The following AIPL1 variants were observed in gnomAD, a reference collection of about 807,000 sequenced individuals.
The protein encoded by AIPL1 is AIP like 1 HSP90 co-chaperone.
AIPL1 carries 23 observed loss-of-function variants against 32.9 expected under a neutral mutation model. The observed-to-expected ratio is 0.70, with a 90% CI of 0.50 to 0.99. The LOEUF (loss-of-function observed/expected upper bound fraction) is 0.99. Among genes scored for constraint, AIPL1 ranks in the 50% least tolerant of loss-of-function variants. The pLI is 0.00. For missense variants in AIPL1, 485 were observed against 506.0 expected (o/e 0.96, Z 0.40); for synonymous variants, 210 against 209.4 (o/e 1.00, Z -0.02).
chr17:6,428,371 C>A lies in AIPL1; in HGVS notation c.412G>T (p.Asp138Tyr). The A allele has an allele frequency of 6.2e-7, 1 of 1,612,404 alleles. No homozygotes were observed. The highest frequency in any genetic ancestry group is 8.5e-7 in the Non-Finnish European group (1 of 1,180,044). Residue 138 changes from aspartate (D) to tyrosine (Y), a missense_variant, in exon 3 of 6, where the codon GAC (aspartate) becomes TAC (tyrosine). Transcript: ENST00000381129. ...GGCTGAGGCTCCTTCTGCAGCTCGT[C>A]CAGGTCCTCGTAGCCCAGCGTGTGG... Reference protein sequence around the residue: ...AYHTLGYEDLDELQKEPQPLV... With the variant: ...AYHTLGYEDLYELQKEPQPLV...
In AIPL1 at chr17:6,427,061, G is replaced by A. The variant is rs753511223; in HGVS notation, c.466-4C>T. 2 of 1,613,950 alleles carry A rather than the reference G, an allele frequency of 1.2e-6. No individual in the cohort carries two copies. The highest frequency in any genetic ancestry group is 8.5e-7 in the Non-Finnish European group (1 of 1,180,012). Reference sequence around the variant, plus strand: ...GGTAATCACTCGGGGCATCAACCTGGCCCCAGAGCTGCAGGTCAGTGAGGC... The same window carrying A: ...GGTAATCACTCGGGGCATCAACCTGACCCCAGAGCTGCAGGTCAGTGAGGC... On this transcript the variant is annotated splice_polypyrimidine_tract_variant and splice_region_variant and intron_variant, in intron 3 of 5. Transcript: ENST00000381129.
chr17:6,431,804 C>A (rs1912629264), intron 2 of AIPL1, among the ~76,000 whole-genome samples: 1 of 152,218 alleles, frequency 6.6e-6, no homozygotes, highest in Non-Finnish European at 1.5e-5. Flanking sequence ...ACCCACCAAT[C>A]ACTCTTAACA....
chr17:6,432,068 C>T (rs1035158268), intron 2 of AIPL1, among the ~76,000 whole-genome samples: 1 of 152,182 alleles, frequency 6.6e-6, no homozygotes, highest in Non-Finnish European at 1.5e-5. Flanking sequence ...TCCTTCAACA[C>T]TTCCATGTCA....
chr17:6,427,811 T>C (rs945772158), intron 3 of AIPL1, among the ~76,000 whole-genome samples: 10 of 27,738 alleles, frequency 3.6e-4, no homozygotes, highest in African/African-American at 6.0e-4. Flanking sequence ...CCAAGTGGAC[T>C]TTTTTTTTTT....
intron 2 of AIPL1, among the ~76,000 whole-genome samples, chr17:6,430,494 G>T (rs946247526): frequency 1.0e-4 from 15 of 145,486 alleles, no homozygotes; most frequent in South Asian, 2.2e-4. Flanking sequence ...TTACCAGCCT[G>T]TGATATGGGC....
In AIPL1 at chr17:6,428,388, A is replaced by C; in HGVS notation, c.395T>G (p.Leu132Arg). The C allele has an allele frequency of 6.2e-7, 1 of 1,612,982 alleles. No individual in the cohort carries two copies. The highest frequency in any genetic ancestry group is 8.5e-7 in the Non-Finnish European group (1 of 1,180,030). The change falls in exon 3 of 6, where the codon CTG becomes CGG. Residue 132 changes from leucine to arginine, a missense_variant. Leu to Arg is a moderately radical substitution (Grantham distance 102, BLOSUM62 -2). Transcript: ENST00000381129. ...CAGCTCGTCCAGGTCCTCGTAGCCC[A>C]GCGTGTGGTAGGCGAACATGTTGGC... Reference protein sequence around the residue: ...GLANMFAYHTLGYEDLDELQK... With the variant: ...GLANMFAYHTRGYEDLDELQK...
chr17:6,425,825 C>T lies in AIPL1; in HGVS notation c.790G>A (p.Val264Met), dbSNP rs755769539. The T allele has an allele frequency of 4.4e-6, 7 of 1,603,460 alleles. No individual in the cohort carries two copies. The highest frequency in any genetic ancestry group is 2.5e-6 in the Non-Finnish European group (3 of 1,179,552). The stretch of plus-strand genomic sequence containing the variant: ...CGGGCACGCACGTAGTAGGCCTTCA[C>T]GATGCCTGTGGGGAGCAGGGAGCAT... ...SDILRHHPGI[V>M]KAYYVRARAH... Residue 264 changes from valine (V) to methionine (M), a missense_variant, in exon 6 of 6, where the codon GTG becomes ATG. Physicochemically the swap from Val to Met is conservative, Grantham distance 21. Coordinates refer to ENST00000381129, the MANE Select transcript of AIPL1 (RefSeq NM_014336.5).
At chr17:6,429,588 G>C (rs12942618) in intron 2 of AIPL1, among the ~76,000 whole-genome samples, 33,785 of 152,176 alleles carry the variant, frequency 0.22, 4,676 homozygotes, top group Admixed American at 0.32. Flanking sequence ...GGCACCCCAT[G>C]GCTCCCAGCA....
In AIPL1 at chr17:6,425,731, G is replaced by A; in HGVS notation, c.884C>T (p.Pro295Leu). ...ADLQKVLELEPSMQKAVRREL... is the reference protein window; with the variant it reads ...ADLQKVLELELSMQKAVRREL... ...CCTGCGCACCGCCTTCTGCATGGAC[G>A]GCTCCAGCTCCAGCACTTTCTGGAG... The change falls in exon 6 of 6, where the codon CCG becomes CTG. Residue 295 changes from proline (P) to leucine (L), a missense_variant. By Grantham distance (98) the Pro-to-Leu change is moderately conservative. Coordinates refer to ENST00000381129, the MANE Select transcript of AIPL1 (RefSeq NM_014336.5). 6.2e-7 allele frequency: 1 copy of A among 1,607,624 alleles called. No individual in the cohort carries two copies. Among genetic ancestry groups the A allele is most frequent in the Non-Finnish European group, 8.5e-7 (1 of 1,180,006 alleles).
chr17:6,434,158 AC>A (rs1912931558), intron 1 of AIPL1, 60 bp from the exon 2 acceptor site: 6 of 1,578,338 alleles, frequency 3.8e-6, no homozygotes, highest in Non-Finnish European at 5.2e-6. Flanking sequence ...GGCAGAAGCC[AC>A]CCCCTTGCCA....
At chr17:6,428,166 T>C (rs1442299742) in intron 3 of AIPL1, 152 bp downstream of exon 3, 1 of 913,262 alleles carries the variant, frequency 1.1e-6, no homozygotes, top group African/African-American at 1.7e-5. Flanking sequence ...TTTTTTCAAA[T>C]TCGTATTCTC....
At chr17:6,426,112 C>G in intron 5 of AIPL1, 1 of 1,320,388 alleles carries the variant, frequency 7.6e-7, no homozygotes, top group Non-Finnish European at 9.8e-7. Context: ...CCTTCAGGCC[C>G]TTTCCCTGCA....
In AIPL1 at chr17:6,433,939, C is replaced by T. The variant is rs549595673; in HGVS notation, c.256G>A (p.Glu86Lys). Reference protein sequence around the residue: ...LTSMRVHEVAEFWCDTIHTGV... With the variant: ...LTSMRVHEVAKFWCDTIHTGV... ...CTTACGATGGTGTCGCACCAGAACT[C>T]GGCCACCTCGTGCACCCGCATGGAG... The change falls in exon 2 of 6, where the codon GAG becomes AAG. Residue 86 changes from glutamate (E) to lysine (K), a missense_variant. Coordinates refer to ENST00000381129, the MANE Select transcript of AIPL1 (RefSeq NM_014336.5). The T allele has an allele frequency of 1.9e-5, 30 of 1,613,936 alleles. No homozygotes were observed. Among genetic ancestry groups the T allele is most frequent in the Middle Eastern group, 1.7e-4 (1 of 6,024 alleles).
At chr17:6,431,856 A>G (rs1358777404) in intron 2 of AIPL1, among the ~76,000 whole-genome samples, 1 of 152,226 alleles carries the variant, frequency 6.6e-6, no homozygotes, top group East Asian at 1.9e-4. Context: ...ACGTCTCCCA[A>G]AGGGAAGTAT....
chr17:6,429,149 G>C (rs1912301710), intron 2 of AIPL1, among the ~76,000 whole-genome samples: 3 of 152,322 alleles, frequency 2.0e-5, no homozygotes, highest in Non-Finnish European at 2.9e-5. Context: ...AGCCAGCATG[G>C]GAGCTGAGTT....
chr17:6,428,478 C>T lies in AIPL1; in HGVS notation c.305G>A (p.Arg102Gln), dbSNP rs181630986. 2.4e-5 allele frequency: 38 copies of T among 1,613,986 alleles called. No individual in the cohort carries two copies. Among genetic ancestry groups the T allele is most frequent in the Middle Eastern group, 3.3e-4 (2 of 6,062 alleles). ...GCCCTGGGCCATCTGCCTCAGGCTC[C>T]GGGATAGGATGGGGTAGACCCCCGT... is the stretch of plus-strand genomic sequence containing the variant. Reference protein sequence around the residue: ...IHTGVYPILSRSLRQMAQGKD... With the variant: ...IHTGVYPILSQSLRQMAQGKD... The change falls in exon 3 of 6, where the codon CGG (arginine) becomes CAG (glutamine). Residue 102 changes from arginine to glutamine, a missense_variant. By Grantham distance (43) the Arg-to-Gln change is conservative. Coordinates refer to ENST00000381129, the MANE Select transcript of AIPL1 (RefSeq NM_014336.5).
rs1458365530 is a variant in AIPL1, at chr17:6,425,430, C to G, written c.*30G>C. On this transcript the variant is annotated 3_prime_UTR_variant, in exon 6 of 6. Transcript: ENST00000381129. ...CAGAAGTGACCAGGCCACTTGCTCC[C>G]TGCCTGGGTGGCTGTGGGCCTCAGG... 1.3e-6 allele frequency: 2 copies of G among 1,565,198 alleles called. No individual in the cohort carries two copies. The highest frequency in any genetic ancestry group is 1.7e-5 in the Admixed American group (1 of 58,258).
At chr17:6,433,611 T>TCTCACACACACA (rs758622569) in intron 2 of AIPL1, among the ~76,000 whole-genome samples, 3 of 106,258 alleles carry the variant, frequency 2.8e-5, no homozygotes, top group Non-Finnish European at 3.8e-5. Flanking sequence ...TCTCTCTCTC[T>TCTCACACACACA]CACACACACA....
intron 3 of AIPL1, 85 bp from the exon 4 acceptor site, chr17:6,427,142 A>T: frequency 6.8e-7 from 1 of 1,467,106 alleles, no homozygotes; most frequent in Non-Finnish European, 9.5e-7. Context: ...ACCCTGTGGC[A>T]CATCTCCCTG....
Sources: allele counts gnomAD v4.1 joint callset (sites outside exome capture counted in the v4.1 genomes callset), GRCh38; gene constraint gnomAD v4.1.1; transcripts MANE v1.5; gene names NCBI Gene and HGNC (gene_info 2026-07-23, HGNC 2026-07-21).